Variants in PHTF2 observed in about 807,000 individuals in gnomAD.
The protein encoded by PHTF2 is protein PHTF2.
Under a neutral mutation model 101.2 loss-of-function variants are expected in PHTF2, and 60 were observed. The ratio of observed to expected loss-of-function variants is 0.59; its 90% confidence interval spans 0.48 to 0.73. PHTF2 has a LOEUF of 0.73. PHTF2 is among the 30% of genes least tolerant of loss of function. PHTF2 has a pLI of 0.00. For missense variants in PHTF2, 747 were observed against 908.7 expected, an observed-to-expected ratio of 0.82 and a Z score of 2.29; for synonymous variants, 311 against 307.3, an observed-to-expected ratio of 1.01 and a Z score of -0.13.
At chr7:77,953,038 T>C (rs1480011511) in intron 18 of PHTF2, among the ~76,000 whole-genome samples, 1 of 152,226 alleles carries the variant, frequency 6.6e-6, no homozygotes, top group Non-Finnish European at 1.5e-5. Context: ...CCCAATGATC[T>C]TTCTTCCTTG....
At chr7:77,939,385 C>T (rs541462079) in intron 13 of PHTF2, among the ~76,000 whole-genome samples, 103 of 152,020 alleles carry the variant, frequency 6.8e-4, no homozygotes, top group African/African-American at 2.3e-3. Flanking sequence ...GAGGGATGAT[C>T]GCTTGAGCCC....
chr7:77,910,392 T>A, exon 9 of PHTF2: 1 of 1,612,298 alleles, frequency 6.2e-7, no homozygotes, highest in Non-Finnish European at 8.5e-7. Context: ...TCTGGCATGC[T>A]GCTTTCTTTT....
At chr7:77,852,783 A>G (rs1584491182) in intron 2 of PHTF2, among the ~76,000 whole-genome samples, 3 of 152,268 alleles carry the variant, frequency 2.0e-5, no homozygotes, top group Admixed American at 2.0e-4. Flanking sequence ...TGTTGATGAA[A>G]TCTCTCACCT....
chr7:77,822,966 G>C (rs920405493), intron 1 of PHTF2, among the ~76,000 whole-genome samples: 1 of 137,714 alleles, frequency 7.3e-6, no homozygotes. Context: ...GTGCAGTGGC[G>C]CGATCTCGGC....
intron 12 of PHTF2, among the ~76,000 whole-genome samples, chr7:77,933,010 G>A (rs1038857720): frequency 6.6e-5 from 10 of 152,176 alleles, no homozygotes; most frequent in African/African-American, 1.4e-4. Context: ...AGGCCGAGGC[G>A]GGTGGATCAC....
chr7:77,897,293 A>ATT (rs10687152), intron 5 of PHTF2, among the ~76,000 whole-genome samples: 9,721 of 133,570 alleles, frequency 0.073, 539 homozygotes, highest in African/African-American at 0.15. Flanking sequence ...AGCCCATTTC[A>ATT]TTTTTTTTTT....
chr7:77,862,520 G>A (rs549926043), intron 3 of PHTF2, among the ~76,000 whole-genome samples: 29 of 152,244 alleles, frequency 1.9e-4, no homozygotes, highest in Admixed American at 1.8e-3. Context: ...GCCAGATACA[G>A]CACCTAAAAA....
At chr7:77,840,136 C>G (rs2150576934) in intron 1 of PHTF2, 85 bp from the exon 2 acceptor site, 1 of 684,960 alleles carries the variant, frequency 1.5e-6, no homozygotes, top group South Asian at 1.9e-5. Flanking sequence ...CTGCAAGTAA[C>G]CAGAGTGCTA....
At chr7:77,903,649 A>G (rs545600829) in intron 7 of PHTF2, among the ~76,000 whole-genome samples, 1 of 152,350 alleles carries the variant, frequency 6.6e-6, no homozygotes, top group South Asian at 2.1e-4. Flanking sequence ...TAAGGCCCTT[A>G]TGATGAACAC....
intron 2 of PHTF2, among the ~76,000 whole-genome samples, chr7:77,850,248 A>C (rs1475148633): frequency 1.3e-5 from 2 of 148,642 alleles, no homozygotes; most frequent in Admixed American, 6.9e-5. Context: ...ATTTCTAGCT[A>C]CTTGGGAAGC....
chr7:77,856,640 T>A (rs1584501805), intron 3 of PHTF2, among the ~76,000 whole-genome samples: 1 of 152,164 alleles, frequency 6.6e-6, no homozygotes, highest in Non-Finnish European at 1.5e-5. Context: ...TAAAAGTATT[T>A]TTTAAAAATG....
chr7:77,864,048 G>A (rs1797864616), intron 3 of PHTF2, among the ~76,000 whole-genome samples: 1 of 152,128 alleles, frequency 6.6e-6, no homozygotes, highest in Non-Finnish European at 1.5e-5. Context: ...CTAGAGTGTT[G>A]GGATTACAGG....
At chr7:77,860,435 C>T (rs1438269754) in intron 3 of PHTF2, among the ~76,000 whole-genome samples, 1 of 152,190 alleles carries the variant, frequency 6.6e-6, no homozygotes, top group African/African-American at 2.4e-5. Flanking sequence ...ACATATTTGG[C>T]TGTCCTAGGT....
chr7:77,912,354 A>G (rs1208686763), intron 9 of PHTF2, among the ~76,000 whole-genome samples: 2 of 152,166 alleles, frequency 1.3e-5, no homozygotes, highest in African/African-American at 4.8e-5. Context: ...ATCTTAAGAG[A>G]AGTGTTAATT....
intron 3 of PHTF2, among the ~76,000 whole-genome samples, chr7:77,868,471 AATTGAACTTT>A (rs1798256812): frequency 6.6e-6 from 1 of 151,770 alleles, no homozygotes; most frequent in Non-Finnish European, 1.5e-5. Context: ...GCCCAGCCAA[AATTGAACTTT>A]TTATTACAAT....
At chr7:77,855,796 A>G (rs1458151533) in intron 3 of PHTF2, among the ~76,000 whole-genome samples, 1 of 151,800 alleles carries the variant, frequency 6.6e-6, no homozygotes, top group East Asian at 1.9e-4. Context: ...TAATCACTAC[A>G]CTTTCTGTCC....
At chr7:77,818,807 T>C (rs1160361401) in intron 1 of PHTF2, among the ~76,000 whole-genome samples, 1 of 152,196 alleles carries the variant, frequency 6.6e-6, no homozygotes, top group African/African-American at 2.4e-5. Context: ...TATTTTGACA[T>C]GTGCATTGAC....
At chr7:77,883,699 C>T (rs897544235) in intron 3 of PHTF2, among the ~76,000 whole-genome samples, 2 of 152,166 alleles carry the variant, frequency 1.3e-5, no homozygotes, top group Admixed American at 6.5e-5. Flanking sequence ...TTTATCTGCA[C>T]ACCCGTTTTG....
chr7:77,823,255 T>C (rs1393156630), intron 1 of PHTF2, among the ~76,000 whole-genome samples: 1 of 149,730 alleles, frequency 6.7e-6, no homozygotes, highest in Non-Finnish European at 1.5e-5. Context: ...GGAGTCTCGC[T>C]CTGTCGCCAG....
Sources: allele counts gnomAD v4.1 joint callset (sites outside exome capture counted in the v4.1 genomes callset), GRCh38; gene constraint gnomAD v4.1.1; transcripts MANE v1.5; gene names NCBI Gene and HGNC (gene_info 2026-07-23, HGNC 2026-07-21).